RNF149: variants seen among roughly 807,000 people sequenced by gnomAD.
The protein encoded by RNF149 is E3 ubiquitin-protein ligase RNF149.
Under a neutral mutation model 39.0 loss-of-function variants are expected in RNF149, and 21 were observed. The observed-to-expected ratio is 0.54, with a 90% CI of 0.38 to 0.77. The LOEUF is 0.77. Ranked by LOEUF, RNF149 falls within the 30% of genes least tolerant of loss-of-function variation. The pLI is 0.00. For missense variants in RNF149, 493 were observed against 534.9 expected (o/e 0.92, Z 0.77); for synonymous variants, 209 against 213.6 (o/e 0.98, Z 0.19).
intron 5 of RNF149, among the ~76,000 whole-genome samples, chr2:101,284,833 A>C (rs1250227186): frequency 6.6e-6 from 1 of 152,038 alleles, no homozygotes; most frequent in African/African-American, 2.4e-5. Context: ...TCTATGAAAA[A>C]CTCTAAAAAT....
rs771763572 is a variant in RNF149 at position 101,308,619 on chromosome 2, C to A, written c.-31G>T. ...CACCGCTGAGCTGACTAGGGGGAGTCAGGGTCACGCGCGAGTGCGGTGCAG... is the reference window on the plus strand; with the variant it reads ...CACCGCTGAGCTGACTAGGGGGAGTAAGGGTCACGCGCGAGTGCGGTGCAG... On this transcript the variant is annotated 5_prime_UTR_variant, in exon 1 of 7. Coordinates refer to ENST00000295317, the MANE Select transcript of RNF149 (RefSeq NM_173647.4). 8.1e-6 allele frequency: 12 copies of A among 1,483,066 alleles called. No individual in the cohort carries two copies. The highest frequency in any genetic ancestry group is 1.5e-5 in the African/African-American group (1 of 68,650). The allele number at this position is 1,483,066 out of a possible 1,614,324, so 91.9% of individuals were successfully genotyped here.
intron 1 of RNF149, among the ~76,000 whole-genome samples, chr2:101,303,465 C>A (rs1273614763): frequency 6.6e-6 from 1 of 152,086 alleles, no homozygotes; most frequent in Non-Finnish European, 1.5e-5. Context: ...ATTTTTCGAT[C>A]ATTTGTGAGA....
chr2:101,277,624 G>A (rs750464946), intron 6 of RNF149, among the ~76,000 whole-genome samples: 6 of 152,068 alleles, frequency 3.9e-5, no homozygotes, highest in Non-Finnish European at 7.4e-5. Context: ...CCTGACCTCA[G>A]GTGATCCACC....
chr2:101,277,710 C>T (rs1682401678), intron 6 of RNF149, among the ~76,000 whole-genome samples: 1 of 152,138 alleles, frequency 6.6e-6, no homozygotes, highest in South Asian at 2.1e-4. Flanking sequence ...TTAAATAAAA[C>T]ATACATGGAA....
At chr2:101,294,771 A>T in intron 2 of RNF149, 160 bp downstream of exon 2, 1 of 645,146 alleles carries the variant, frequency 1.6e-6, no homozygotes, top group Admixed American at 3.1e-5. Flanking sequence ...AAAATTTAAC[A>T]TAGTCCAATT....
Position 101,295,068 on chromosome 2 carries a change from C to T in RNF149, c.574G>A (p.Val192Ile). 1.2e-6 allele frequency: 2 copies of T among 1,614,166 alleles called. No individual in the cohort carries two copies. Among genetic ancestry groups the T allele is most frequent in the Non-Finnish European group, 8.5e-7 (1 of 1,180,034 alleles). Residue 192 changes from valine (V) to isoleucine (I), a missense_variant, in exon 2 of 7, where the codon GTA (valine) becomes ATA (isoleucine). Physicochemically the swap from Val to Ile is conservative, Grantham distance 29 (BLOSUM62 3). Coordinates refer to ENST00000295317, the MANE Select transcript of RNF149 (RefSeq NM_173647.4). The stretch of plus-strand genomic sequence containing the variant: ...GACTGACCGCTGATGAACTCCTGTA[C>T]ATGCCGGGTGCCAACCCCTATGGTC... ...TMTIGVGTRHVQEFISGQSVV... is the reference protein window; with the variant it reads ...TMTIGVGTRHIQEFISGQSVV...
chr2:101,287,346 T>G (rs967375133), intron 4 of RNF149, among the ~76,000 whole-genome samples: 9 of 152,062 alleles, frequency 5.9e-5, no homozygotes, highest in Non-Finnish European at 1.0e-4. Flanking sequence ...AAAACAGTAC[T>G]TAAGAAATAA....
intron 6 of RNF149, among the ~76,000 whole-genome samples, chr2:101,281,309 A>G (rs991705291): frequency 6.6e-6 from 1 of 152,166 alleles, no homozygotes; most frequent in African/African-American, 2.4e-5. Context: ...CTAACAGCCC[A>G]TAAGTGATAT....
chr2:101,303,116 CATTTT>C lies in RNF149; in HGVS notation c.460+5008_460+5012del, dbSNP rs1010376383. ...TTTGTCTTCCTATAGCACCAAAATA[CATTTT>C]ATTTTATTTTTGAGACAGAGTCTTG... On this transcript the variant is annotated intron_variant, in intron 1 of 6. Coordinates refer to ENST00000295317, the MANE Select transcript of RNF149 (RefSeq NM_173647.4). Among the ~76,000 whole-genome samples the C allele has an allele frequency of 5.1e-4, 78 of 152,086 alleles. 2 individuals are homozygous for C. Among genetic ancestry groups the C allele is most frequent in the African/African-American group, 1.9e-3 (78 of 41,496 alleles).
chr2:101,300,507 ATT>A (rs1683411689), intron 1 of RNF149, among the ~76,000 whole-genome samples: 1 of 152,164 alleles, frequency 6.6e-6, no homozygotes, highest in African/African-American at 2.4e-5. Flanking sequence ...AGAAATTATT[ATT>A]TTTTAAAAAC....
chr2:101,281,275 T>C (rs958965386), intron 6 of RNF149, among the ~76,000 whole-genome samples: 6 of 152,214 alleles, frequency 3.9e-5, no homozygotes, highest in East Asian at 1.9e-4. Flanking sequence ...AAGAGCTTCA[T>C]ATATTAAGTA....
rs186784477 is a variant in RNF149, at chr2:101,276,985, T to C, written c.*253A>G. ...TATATTAGAGTACCTGCCCCAGTTGTCTTTGTAATAGTCTGAAGCAACACA... is the reference window on the plus strand; with the variant it reads ...TATATTAGAGTACCTGCCCCAGTTGCCTTTGTAATAGTCTGAAGCAACACA... On this transcript the variant is annotated 3_prime_UTR_variant, in exon 7 of 7. Coordinates refer to ENST00000295317, the MANE Select transcript of RNF149 (RefSeq NM_173647.4). 5.0e-6 allele frequency: 6 copies of C among 1,200,650 alleles called. No homozygotes were observed. The East Asian group carries it at 1.8e-4, about 36-fold the overall frequency. The allele number at this position is 1,200,650 out of a possible 1,614,324, so 74.4% of individuals were successfully genotyped here.
At chr2:101,288,757 T>G in intron 4 of RNF149, 1 of 447,498 alleles carries the variant, frequency 2.2e-6, no homozygotes, top group South Asian at 3.0e-5. Flanking sequence ...ACAAAGATAC[T>G]TAACGAGTCT....
chr2:101,287,357 T>G (rs1682835273), intron 4 of RNF149, among the ~76,000 whole-genome samples: 1 of 152,110 alleles, frequency 6.6e-6, no homozygotes, highest in Non-Finnish European at 1.5e-5. Flanking sequence ...TAAGAAATAA[T>G]TTTTACAAAA....
chr2:101,306,547 T>TGTC (rs1683666151), intron 1 of RNF149, among the ~76,000 whole-genome samples: 1 of 152,190 alleles, frequency 6.6e-6, no homozygotes, highest in Non-Finnish European at 1.5e-5. Context: ...ACTGAGGAAC[T>TGTC]GTCCTTGGAC....
rs914382349 is a variant in RNF149, at chr2:101,308,676, C to A, written c.-88G>T. 4.8e-6 allele frequency: 6 copies of A among 1,244,492 alleles called. No individual in the cohort carries two copies. The Admixed American group carries it at 1.6e-4, about 34-fold the overall frequency. The allele number at this position is 1,244,492 out of a possible 1,614,324, so 77.1% of individuals were successfully genotyped here. A position where few individuals can be genotyped will look rare whatever the true frequency, so the allele number is the denominator to read the frequency against. ...AGCAGAGAGAAGCGGACACCCACCG[C>A]CGCCCTGGAAGACTGAGGCGGGGTC... On this transcript the variant is annotated 5_prime_UTR_variant, in exon 1 of 7. Transcript: ENST00000295317.
rs900513755 is a variant in RNF149 at position 101,275,779 on chromosome 2, C to G, written c.*1459G>C. On this transcript the variant is annotated 3_prime_UTR_variant, in exon 7 of 7. Coordinates refer to ENST00000295317, the MANE Select transcript of RNF149 (RefSeq NM_173647.4). ...TTAAAGACAAAGAGCAAACAATCTA[C>G]TTGCTACAGAATCAGGATGTATTTT... is the stretch of plus-strand genomic sequence containing the variant. The G allele has an allele frequency of 1.0e-6, 1 of 980,896 alleles. No homozygotes were observed. The highest frequency in any genetic ancestry group is 1.2e-6 in the Non-Finnish European group (1 of 825,978). 60.8% of individuals were successfully genotyped at this position (980,896 alleles called of 1,614,324 possible).
At chr2:101,298,539 T>C (rs1683328661) in intron 1 of RNF149, among the ~76,000 whole-genome samples, 1 of 152,188 alleles carries the variant, frequency 6.6e-6, no homozygotes, top group Admixed American at 6.5e-5. Flanking sequence ...GTATATAAAT[T>C]ACAGTATGTG....
intron 3 of RNF149, among the ~76,000 whole-genome samples, chr2:101,290,070 C>T (rs1682949485): frequency 6.6e-6 from 1 of 152,130 alleles, no homozygotes; most frequent in African/African-American, 2.4e-5. Flanking sequence ...GTCCCAGCTA[C>T]TCTAGAGGCT....
Sources: gnomAD v4.1 joint callset for allele counts (sites outside exome capture counted in the v4.1 genomes callset) on GRCh38, gnomAD v4.1.1 for gene constraint, MANE v1.5 for transcripts, NCBI Gene and HGNC (gene_info 2026-07-23, HGNC 2026-07-21) for gene names.